Variants in SCFD2 observed in about 807,000 individuals in gnomAD.
SCFD2 encodes sec1 family domain-containing protein 2.
In SCFD2, 54 loss-of-function variants were observed where a neutral mutation model predicts 58.9. That is an observed-to-expected ratio of 0.92 (90% CI 0.74 to 1.15). The LOEUF (loss-of-function observed/expected upper bound fraction) is 1.15. Among genes scored for constraint, SCFD2 ranks in the 50% most tolerant of loss-of-function variants. The pLI is 0.00. For missense variants in SCFD2, 805 were observed against 836.6 expected (o/e 0.96, Z 0.47); for synonymous variants, 321 against 335.9 (o/e 0.96, Z 0.49).
At chr4:52,999,855 C>T (rs1048847306) in intron 5 of SCFD2, among the ~76,000 whole-genome samples, 2 of 152,148 alleles carry the variant, frequency 1.3e-5, no homozygotes, top group South Asian at 2.1e-4. Context: ...AGACGACTTC[C>T]TTGTTGTCCT....
intron 4 of SCFD2, among the ~76,000 whole-genome samples, chr4:53,255,968 G>A (rs1443857799): frequency 2.0e-5 from 3 of 147,794 alleles, no homozygotes; most frequent in Non-Finnish European, 4.5e-5. Context: ...CGGGTGGGGG[G>A]CTGACCCCCC....
At chr4:52,997,978 T>C (rs1371952617) in intron 5 of SCFD2, among the ~76,000 whole-genome samples, 1 of 152,174 alleles carries the variant, frequency 6.6e-6, no homozygotes, top group African/African-American at 2.4e-5. Context: ...CATTAGATGA[T>C]CTAATTCTTT....
Position 52,936,206 on chromosome 4 carries a change from G to C in SCFD2, c.1562-15336C>G, listed in dbSNP as rs75619818. 6.7e-4 allele frequency among the ~76,000 whole-genome samples: 102 copies of C among 152,150 alleles called. No homozygotes were observed. The East Asian group carries it at 0.019, about 29-fold the overall frequency. On this transcript the variant is annotated intron_variant, in intron 5 of 8. Transcript: ENST00000401642. ...CTGGTGGGGAGGAAGGCCGACTCCT[G>C]GGTAGTGATGTAATTTATTGCTGGG...
At chr4:53,298,569 T>A (rs372776289) in intron 3 of SCFD2, among the ~76,000 whole-genome samples, 1 of 152,170 alleles carries the variant, frequency 6.6e-6, no homozygotes, top group Non-Finnish European at 1.5e-5. Flanking sequence ...GACTTACATG[T>A]CCCTGTCTGA....
intron 6 of SCFD2, among the ~76,000 whole-genome samples, chr4:52,917,942 G>A (rs1284021707): frequency 2.6e-5 from 4 of 152,154 alleles, no homozygotes; most frequent in African/African-American, 4.8e-5. Flanking sequence ...TAGTGCATGC[G>A]CATCACAGCA....
At chr4:53,256,287 G>C (rs1156481507) in intron 4 of SCFD2, among the ~76,000 whole-genome samples, 1 of 130,818 alleles carries the variant, frequency 7.6e-6, no homozygotes, top group African/African-American at 2.9e-5. Flanking sequence ...ATCCCAGATG[G>C]GGCGGCGGGG....
chr4:53,037,265 T>C (rs1371085057), intron 5 of SCFD2, among the ~76,000 whole-genome samples: 1 of 152,182 alleles, frequency 6.6e-6, no homozygotes, highest in East Asian at 1.9e-4. Context: ...AGTTTAGGCA[T>C]ATGGTGATTC....
intron 5 of SCFD2, chr4:52,956,191 C>T (rs1183478784): frequency 4.4e-6 from 2 of 456,594 alleles, no homozygotes; most frequent in Admixed American, 2.3e-5. Flanking sequence ...ATGGTCATCC[C>T]TGGAGCAGCA....
chr4:53,165,870 A>G (rs540818672), intron 4 of SCFD2, among the ~76,000 whole-genome samples: 3 of 152,322 alleles, frequency 2.0e-5, no homozygotes, highest in South Asian at 2.1e-4. Flanking sequence ...CCCCTACAAG[A>G]TATGATTTTC....
chr4:52,994,515 T>C (rs1721695665), intron 5 of SCFD2, among the ~76,000 whole-genome samples: 2 of 152,196 alleles, frequency 1.3e-5, no homozygotes, highest in South Asian at 4.1e-4. Flanking sequence ...CTGGAGATCA[T>C]CTGGCCCATT....
At chr4:53,230,418 T>C (rs1729396807) in intron 4 of SCFD2, among the ~76,000 whole-genome samples, 1 of 152,098 alleles carries the variant, frequency 6.6e-6, no homozygotes, top group African/African-American at 2.4e-5. Context: ...GTGGCACATA[T>C]ACACCATGGA....
At chr4:52,937,458 C>T (rs1156386668) in intron 5 of SCFD2, among the ~76,000 whole-genome samples, 1 of 152,134 alleles carries the variant, frequency 6.6e-6, no homozygotes, top group Non-Finnish European at 1.5e-5. Flanking sequence ...CGTGGGGGCA[C>T]CAGGAGAGAA....
At chr4:53,094,518 T>C (rs1724562676) in intron 5 of SCFD2, among the ~76,000 whole-genome samples, 2 of 152,020 alleles carry the variant, frequency 1.3e-5, no homozygotes, top group African/African-American at 2.4e-5. Flanking sequence ...ATTAACCTCT[T>C]TAATGACCCT....
At chr4:53,353,847 C>T (rs1734316202) in intron 1 of SCFD2, among the ~76,000 whole-genome samples, 2 of 141,008 alleles carry the variant, frequency 1.4e-5, no homozygotes, top group South Asian at 5.0e-4. Context: ...ATTAGCTAGA[C>T]ACAGAGCACT....
chr4:53,281,494 T>G (rs1731508053), intron 3 of SCFD2, among the ~76,000 whole-genome samples: 1 of 152,206 alleles, frequency 6.6e-6, no homozygotes, highest in Non-Finnish European at 1.5e-5. Flanking sequence ...AATCCTCAAA[T>G]GTTAATTCAA....
At chr4:53,267,810 C>G (rs1473144826) in intron 4 of SCFD2, among the ~76,000 whole-genome samples, 2 of 152,094 alleles carry the variant, frequency 1.3e-5, no homozygotes, top group African/African-American at 4.8e-5. Context: ...ATGATCACAT[C>G]TAATAGTCTA....
intron 2 of SCFD2, 21 bp from the exon 3 acceptor site, chr4:53,313,784 G>T: frequency 1.2e-6 from 2 of 1,613,188 alleles, no homozygotes; most frequent in Non-Finnish European, 1.7e-6. Context: ...ATCACAAAAA[G>T]AGCTTTAGAA....
At chr4:53,318,063 T>G (rs1033079101) in intron 2 of SCFD2, among the ~76,000 whole-genome samples, 11 of 152,200 alleles carry the variant, frequency 7.2e-5, no homozygotes, top group Admixed American at 2.0e-4. Context: ...CGACTTCATT[T>G]TCTAATATGA....
At chr4:52,893,492 C>T in intron 7 of SCFD2, among the ~76,000 whole-genome samples, 1 of 152,210 alleles carries the variant, frequency 6.6e-6, no homozygotes, top group East Asian at 1.9e-4. Context: ...CTCTGCATTC[C>T]AAAGCATCCT....
Sources: allele counts gnomAD v4.1 joint callset (sites outside exome capture counted in the v4.1 genomes callset), GRCh38; gene constraint gnomAD v4.1.1; transcripts MANE v1.5; gene names NCBI Gene and HGNC (gene_info 2026-07-23, HGNC 2026-07-21).